XKR9: variants seen among roughly 807,000 people sequenced by gnomAD.
XKR9 encodes the protein XK-related protein 9.
A neutral mutation model predicts 32.0 loss-of-function variants in XKR9; 32 were observed. That is an observed-to-expected ratio of 1.00 (90% CI 0.76 to 1.34). XKR9 has a LOEUF of 1.34. XKR9 is among the 40% of genes most tolerant of loss of function. XKR9 has a pLI of 0.00. For missense variants in XKR9, 546 were observed against 429.7 expected (o/e 1.27, Z -2.39); for synonymous variants, 168 against 143.4 (o/e 1.17, Z -1.22).
chr8:70,699,699 C>G (rs1033639956), intron 3 of XKR9, among the ~76,000 whole-genome samples: 10 of 152,092 alleles, frequency 6.6e-5, no homozygotes, highest in Non-Finnish European at 1.0e-4. Context: ...TTGTGGTGTT[C>G]TCTGTATTTC....
At chr8:70,791,665 G>C (rs369836645), downstream of XKR9, among the ~76,000 whole-genome samples, 2 of 151,900 alleles carry the variant, frequency 1.3e-5, no homozygotes, top group African/African-American at 4.8e-5. Context: ...TATGCAGCAA[G>C]AAAGCACTCA....
chr8:71,056,689 G>GA, the XKR9 span, among the ~76,000 whole-genome samples: 6 of 152,006 alleles, frequency 3.9e-5, no homozygotes, highest in African/African-American at 1.4e-4. Context: ...CAATATCTGA[G>GA]AAAAAATACT....
the XKR9 span, among the ~76,000 whole-genome samples, chr8:70,805,292 A>C: frequency 6.6e-6 from 1 of 152,130 alleles, no homozygotes; most frequent in Non-Finnish European, 1.5e-5. Context: ...GAAAGATCAC[A>C]CTCGTGTACC....
intron 2 of XKR9, among the ~76,000 whole-genome samples, chr8:70,743,702 C>A (rs887155849): frequency 6.6e-6 from 1 of 152,098 alleles, no homozygotes; most frequent in African/African-American, 2.4e-5. Flanking sequence ...TCTGTTGGTT[C>A]TATTTTTCTC....
At chr8:70,844,076 G>A in the XKR9 span, among the ~76,000 whole-genome samples, 11,044 of 152,264 alleles carry the variant, frequency 0.073, 474 homozygotes, top group Non-Finnish European at 0.089. Flanking sequence ...TACCAAGGAC[G>A]ATGTCCCCAG....
the XKR9 span, among the ~76,000 whole-genome samples, chr8:70,874,817 A>C: frequency 6.6e-6 from 1 of 152,264 alleles, no homozygotes; most frequent in South Asian, 2.1e-4. Context: ...CCCTCATGAT[A>C]ATAAAGTGGG....
At chr8:71,012,625 G>T in the XKR9 span, among the ~76,000 whole-genome samples, 54 of 152,160 alleles carry the variant, frequency 3.5e-4, no homozygotes, top group African/African-American at 1.3e-3. Context: ...ATCTTTCATT[G>T]CACTCCTACC....
the XKR9 span, among the ~76,000 whole-genome samples, chr8:70,952,274 G>A: frequency 6.6e-6 from 1 of 151,826 alleles, no homozygotes; most frequent in Non-Finnish European, 1.5e-5. Flanking sequence ...TCTGTGTAAG[G>A]ATTATCTCCA....
At chr8:70,725,600 GA>G (rs1268325820) in intron 4 of XKR9, among the ~76,000 whole-genome samples, 1 of 152,010 alleles carries the variant, frequency 6.6e-6, no homozygotes, top group Admixed American at 6.6e-5. Flanking sequence ...AACGATGTAC[GA>G]GAGGACTTAA....
chr8:70,863,447 A>G, the XKR9 span, among the ~76,000 whole-genome samples: 1 of 152,172 alleles, frequency 6.6e-6, no homozygotes, highest in Non-Finnish European at 1.5e-5. Flanking sequence ...CTTTGTGACT[A>G]TATACAGGTA....
At chr8:70,818,703 G>C in the XKR9 span, among the ~76,000 whole-genome samples, 1 of 152,146 alleles carries the variant, frequency 6.6e-6, no homozygotes, top group Non-Finnish European at 1.5e-5. Context: ...AATTTTGTTT[G>C]TGCTAAATTG....
chr8:71,042,512 T>C, the XKR9 span, among the ~76,000 whole-genome samples: 7 of 152,272 alleles, frequency 4.6e-5, no homozygotes, highest in African/African-American at 1.4e-4. Flanking sequence ...TACTGCAGGA[T>C]GGCTATAAAG....
chr8:70,682,207 A>C (rs1459037683), intron 3 of XKR9, among the ~76,000 whole-genome samples: 1 of 152,136 alleles, frequency 6.6e-6, no homozygotes, highest in Non-Finnish European at 1.5e-5. Context: ...ATTCTCAATA[A>C]GACAAAAATG....
At chr8:70,996,017 T>C in the XKR9 span, among the ~76,000 whole-genome samples, 1 of 152,202 alleles carries the variant, frequency 6.6e-6, no homozygotes, top group Non-Finnish European at 1.5e-5. Context: ...TGTATGTATT[T>C]TTGTACACAA....
intron 4 of XKR9, among the ~76,000 whole-genome samples, chr8:70,707,838 C>T (rs35893260): frequency 0.4 from 61,127 of 151,830 alleles, 13,869 homozygotes; most frequent in Non-Finnish European, 0.52. Context: ...AAAGAAAAGT[C>T]TATTTCCATC....
chr8:70,669,905 A>T (rs1259286848), intron 1 of XKR9, among the ~76,000 whole-genome samples: 1 of 151,896 alleles, frequency 6.6e-6, no homozygotes, highest in Non-Finnish European at 1.5e-5. Context: ...TGACCTCGTG[A>T]TCCGCCCGCC....
the XKR9 span, among the ~76,000 whole-genome samples, chr8:71,024,962 A>G: frequency 1.3e-5 from 2 of 152,228 alleles, no homozygotes; most frequent in African/African-American, 2.4e-5. Context: ...TGAAGCCCCT[A>G]TAATAATAGC....
At chr8:70,795,150 G>A (rs886715538), downstream of XKR9, among the ~76,000 whole-genome samples, 2 of 151,804 alleles carry the variant, frequency 1.3e-5, no homozygotes, top group Admixed American at 6.6e-5. Context: ...CTTCTGATAG[G>A]CCCCAGTGTG....
chr8:70,684,361 CTT>C (rs1270596635), intron 3 of XKR9, among the ~76,000 whole-genome samples: 3 of 152,036 alleles, frequency 2.0e-5, no homozygotes, highest in East Asian at 1.9e-4. Context: ...TTTTTGAACT[CTT>C]TGTGATACAT....
Sources: allele counts gnomAD v4.1 joint callset (sites outside exome capture counted in the v4.1 genomes callset), GRCh38; gene constraint gnomAD v4.1.1; transcripts MANE v1.5; gene names NCBI Gene and HGNC (gene_info 2026-07-23, HGNC 2026-07-21).